The following UNC13A variants were observed in gnomAD, a reference collection of about 807,000 sequenced individuals.
The protein encoded by UNC13A is protein unc-13 homolog A.
A neutral mutation model predicts 219.7 loss-of-function variants in UNC13A; 61 were observed. That is an observed-to-expected ratio of 0.28 (90% CI 0.23 to 0.34). UNC13A has a LOEUF of 0.34. Ranked by LOEUF, UNC13A falls within the 10% of genes least tolerant of loss-of-function variation. The pLI is 1.00. For missense variants in UNC13A, 1,476 were observed against 2,270.3 expected, an observed-to-expected ratio of 0.65 and a Z score of 7.11; for synonymous variants, 920 against 884.6, an observed-to-expected ratio of 1.04 and a Z score of -0.71.
Position 17,641,419 on chromosome 19 carries a change from G to A in UNC13A, c.2610C>T (p.Gly870=), listed in dbSNP as rs375694482. ...TCATGGCTTGGTAGATGGACTCGAC[G>A]CCGTAGCGCATGGCAAACTCGTCCA... ...EIVDEFAMRY[G]VESIYQAMTH... Residue 870 remains glycine, a synonymous_variant, in exon 21 of 44, where the codon GGC becomes GGT. Coordinates refer to ENST00000519716, the MANE Select transcript of UNC13A (RefSeq NM_001080421.3). The A allele has an allele frequency of 1.2e-6, 2 of 1,614,014 alleles. No homozygotes were observed. The highest frequency in any genetic ancestry group is 4.5e-5 in the East Asian group (2 of 44,878).
At chr19:17,664,211 C>A (rs1455607475) in intron 7 of UNC13A, among the ~76,000 whole-genome samples, 1 of 152,126 alleles carries the variant, frequency 6.6e-6, no homozygotes, top group Non-Finnish European at 1.5e-5. Flanking sequence ...CAGTCTCCAC[C>A]CTTTTCCTCT....
In UNC13A at chr19:17,688,043, G is replaced by A. The variant is rs2080148054; in HGVS notation, c.22+135C>T. On this transcript the variant is annotated intron_variant, in intron 1 of 43. Coordinates refer to ENST00000519716, the MANE Select transcript of UNC13A (RefSeq NM_001080421.3). ...CTCCGGGGCCCAGCTGCGTCGACAA[G>A]GGCTACCCCTCTCAAAAGTCCAGCC... 8.6e-6 allele frequency: 10 copies of A among 1,160,794 alleles called. No homozygotes were observed. In the East Asian group the frequency reaches 9.6e-5, roughly 11 times the overall value. 71.9% of individuals were successfully genotyped at this position (1,160,794 alleles called of 1,614,324 possible).
intron 38 of UNC13A, among the ~76,000 whole-genome samples, chr19:17,620,127 C>A (rs2076712137): frequency 6.6e-6 from 1 of 152,176 alleles, no homozygotes. Flanking sequence ...ATGCTCTGAG[C>A]CTCAATTCCC....
chr19:17,649,008 T>A lies in UNC13A; in HGVS notation c.1525-25A>T. On this transcript the variant is annotated intron_variant, in intron 14 of 43. Transcript: ENST00000519716. The surrounding 1 kb of genome is among the most constrained non-coding windows in gnomAD (Gnocchi z 4.4). The stretch of plus-strand genomic sequence containing the variant: ...ACTGGGGAGGTCACAGAAGAGGGAG[T>A]CGGGGGGGTTGACATCCATGAGATC... 1 of 1,576,034 alleles carries A rather than the reference T, an allele frequency of 6.3e-7. No individual in the cohort carries two copies. Among genetic ancestry groups the A allele is most frequent in the South Asian group, 1.2e-5 (1 of 85,656 alleles).
chr19:17,676,104 G>C, intron 1 of UNC13A, 63 bp from the exon 2 acceptor site: 1 of 1,490,344 alleles, frequency 6.7e-7, no homozygotes, highest in Non-Finnish European at 9.2e-7. Flanking sequence ...AGGAGGCAGA[G>C]ATACGGAGAG....
At chr19:17,673,651 C>G (rs960559178) in intron 3 of UNC13A, among the ~76,000 whole-genome samples, 3 of 151,866 alleles carry the variant, frequency 2.0e-5, no homozygotes, top group Non-Finnish European at 2.9e-5. Context: ...CGAGATTGCA[C>G]CACTACACTC....
At position 17,639,857 on chromosome 19, in the gene UNC13A, C is replaced by T; in HGVS notation, c.2839G>A (p.Asp947Asn). Residue 947 changes from aspartate (D) to asparagine (N), a missense_variant, in exon 23 of 44, where the codon GAC becomes AAC. Around this residue, in one of 14 missense-constraint regions of UNC13A, gnomAD observed 140 missense variants for 270.9 expected, o/e 0.52. Coordinates refer to ENST00000519716, the MANE Select transcript of UNC13A (RefSeq NM_001080421.3). ...CTTCCTACCCGGTACATGGAGAGGT[C>T]AATCCGCAGGGAGTTATGCAGCTGG... ...LDQLHNSLRI[D>N]LSMYRNNFPA... is the part of the protein sequence containing the mutation. The T allele has an allele frequency of 6.2e-7, 1 of 1,613,730 alleles. No homozygotes were observed. Among genetic ancestry groups the T allele is most frequent in the Non-Finnish European group, 8.5e-7 (1 of 1,179,808 alleles).
rs767121062 is a variant in UNC13A, at chr19:17,676,203, A to G, written c.23-162T>C. ...AAAAAGCAAAAGAGACAGATGTTAAAAAAGAAAGATAGAAGCAATGTCAGA... is the reference window on the plus strand; with the variant it reads ...AAAAAGCAAAAGAGACAGATGTTAAGAAAGAAAGATAGAAGCAATGTCAGA... On this transcript the variant is annotated intron_variant, in intron 1 of 43. Transcript: ENST00000519716. The G allele has an allele frequency of 3.6e-5, 29 of 798,158 alleles. No individual in the cohort carries two copies. In the South Asian group the frequency reaches 4.1e-4, roughly 11 times the overall value. The allele number at this position is 798,158 out of a possible 1,614,324, so 49.4% of individuals were successfully genotyped here.
At chr19:17,636,433 C>A (rs1181101600) in intron 25 of UNC13A, among the ~76,000 whole-genome samples, 5 of 152,168 alleles carry the variant, frequency 3.3e-5, no homozygotes, top group African/African-American at 1.2e-4. Flanking sequence ...CCCAGCTCCA[C>A]TAAACCAAAT....
chr19:17,664,291 G>A (rs924136786), intron 7 of UNC13A, among the ~76,000 whole-genome samples: 1 of 152,146 alleles, frequency 6.6e-6, no homozygotes, highest in Admixed American at 6.5e-5. Context: ...CTGTTGGGTG[G>A]ATTTTATCAT....
Position 17,652,615 on chromosome 19 carries a change from C to T in UNC13A, c.1439+16G>A. Reference sequence around the variant, plus strand: ...GTTCAAATCTTCCTCCCACCGCTCACAGTTTCATTACTTACCCGCCTTTGA... The same window carrying T: ...GTTCAAATCTTCCTCCCACCGCTCATAGTTTCATTACTTACCCGCCTTTGA... On this transcript the variant is annotated intron_variant, in intron 12 of 43. Coordinates refer to ENST00000519716, the MANE Select transcript of UNC13A (RefSeq NM_001080421.3). 1 of 1,613,866 alleles carries T rather than the reference C, an allele frequency of 6.2e-7. No homozygotes were observed. Among genetic ancestry groups the T allele is most frequent in the Non-Finnish European group, 8.5e-7 (1 of 1,179,812 alleles).
At chr19:17,668,218 T>C in intron 5 of UNC13A, 28 bp from the exon 6 acceptor site, 2 of 1,604,604 alleles carry the variant, frequency 1.2e-6, no homozygotes, top group Non-Finnish European at 1.7e-6. Flanking sequence ...TCTGTGAGCC[T>C]GGAAGACCCT....
chr19:17,628,733 GACACACACAGATACAC>G, intron 31 of UNC13A, among the ~76,000 whole-genome samples: 1 of 151,874 alleles, frequency 6.6e-6, no homozygotes. Context: ...GATATGTACA[GACACACACAGATACAC>G]ACATTCATGT....
At position 17,649,290 on chromosome 19, in the gene UNC13A, G is replaced by T. The variant is rs1208484170; in HGVS notation, c.1524+49C>A. On this transcript the variant is annotated intron_variant, in intron 14 of 43. Transcript: ENST00000519716. The surrounding 1 kb of genome is among the most constrained non-coding windows in gnomAD (Gnocchi z 4.4). Reference sequence around the variant, plus strand: ...GGGGGCCTGTTAGAAGATCCCAGTGGGGGAGTTTGGGGAGAAGATCCCAAG... The same window carrying T: ...GGGGGCCTGTTAGAAGATCCCAGTGTGGGAGTTTGGGGAGAAGATCCCAAG... 5 of 1,552,664 alleles carry T rather than the reference G, an allele frequency of 3.2e-6. No individual in the cohort carries two copies. Among genetic ancestry groups the T allele is most frequent in the African/African-American group, 2.7e-5 (2 of 73,620 alleles).
Position 17,672,430 on chromosome 19 carries a change from G to T in UNC13A, c.218C>A (p.Thr73Lys). 6.2e-7 allele frequency: 1 copy of T among 1,613,834 alleles called. No individual in the cohort carries two copies. Among genetic ancestry groups the T allele is most frequent in the Non-Finnish European group, 8.5e-7 (1 of 1,179,848 alleles). ...TGGGATCCACACAGTGCCCACCATT[G>T]TGTCCCAGATGAGACCCTTATTCCA... ...EVWNKGLIWD[T>K]MVGTVWIPLR... Residue 73 changes from threonine (T) to lysine (K), a missense_variant, in exon 4 of 44, where the codon ACA becomes AAA. This residue lies in a region of UNC13A where 203 missense variants were observed against 301.6 expected (regional missense o/e 0.67). Transcript: ENST00000519716.
chr19:17,640,459 G>A (rs1272061331), intron 22 of UNC13A, 52 bp downstream of exon 22: 5 of 1,518,588 alleles, frequency 3.3e-6, no homozygotes, highest in African/African-American at 1.4e-5. Flanking sequence ...AGATCTGACC[G>A]GCATAAAGTT....
intron 26 of UNC13A, 140 bp from the exon 27 acceptor site, chr19:17,633,333 C>G: frequency 1.4e-6 from 1 of 695,680 alleles, no homozygotes; most frequent in Non-Finnish European, 2.5e-6. Flanking sequence ...CCACTGCTGA[C>G]TGACTCTGCA....
chr19:17,676,106 T>C (rs776227059), intron 1 of UNC13A, 65 bp from the exon 2 acceptor site: 12 of 1,491,306 alleles, frequency 8.0e-6, no homozygotes, highest in Non-Finnish European at 1.1e-5. Flanking sequence ...GAGGCAGAGA[T>C]ACGGAGAGAT....
intron 40 of UNC13A, 111 bp from the exon 41 acceptor site, chr19:17,617,960 A>C: frequency 2.3e-4 from 325 of 1,390,478 alleles, no homozygotes; most frequent in Non-Finnish European, 2.9e-4. Context: ...CTACTTTCTC[A>C]CCTCTTCCTT....
Sources: allele counts gnomAD v4.1 joint callset (sites outside exome capture counted in the v4.1 genomes callset), GRCh38; gene constraint gnomAD v4.1.1; regional missense constraint gnomAD v4.1.1; non-coding constraint Gnocchi (gnomAD v3.1); transcripts MANE v1.5; gene names NCBI Gene and HGNC (gene_info 2026-07-23, HGNC 2026-07-21).